The following HOMER2 variants were observed in gnomAD, a reference collection of about 807,000 sequenced individuals.
HOMER2 encodes the protein homer protein homolog 2.
A neutral mutation model predicts 47.0 loss-of-function variants in HOMER2; 27 were observed. That is an observed-to-expected ratio of 0.57 (90% CI 0.42 to 0.79). The LOEUF is 0.79. Ranked by LOEUF, HOMER2 falls within the 30% of genes least tolerant of loss-of-function variation. HOMER2 has a pLI of 0.00. For missense variants in HOMER2, 443 were observed against 435.0 expected, an observed-to-expected ratio of 1.02 and a Z score of -0.16; for synonymous variants, 161 against 163.8, an observed-to-expected ratio of 0.98 and a Z score of 0.13.
At chr15:82,983,487 C>A (rs1237990065) in intron 1 of HOMER2, among the ~76,000 whole-genome samples, 1 of 152,110 alleles carries the variant, frequency 6.6e-6, no homozygotes, top group African/African-American at 2.4e-5. Context: ...TATTTGGGCT[C>A]TGAGTTCATT....
chr15:82,945,220 T>TAA (rs35180005), intron 1 of HOMER2, among the ~76,000 whole-genome samples: 47 of 120,410 alleles, frequency 3.9e-4, no homozygotes, highest in African/African-American at 1.0e-3. Context: ...TAAAATGTCT[T>TAA]AAAAAAAAAA....
At chr15:82,846,669 C>T (rs1188555023), downstream of HOMER2, 1 of 152,162 alleles carries the variant, frequency 6.6e-6, no homozygotes. Context: ...ACAGTCTCTG[C>T]CCTGTTCTCT....
chr15:82,859,174 C>G lies in HOMER2; in HGVS notation c.388-39G>C, dbSNP rs1234176046. The G allele has an allele frequency of 6.2e-6, 10 of 1,613,494 alleles. No individual in the cohort carries two copies. The Admixed American group carries it at 1.7e-4, about 27-fold the overall frequency. ...GGGGTTTCACGCCCAGATTCCTGGC[C>G]AAAGTGAATTATCTTCACACGTTAT... On this transcript the variant is annotated intron_variant, in intron 4 of 8. Transcript: ENST00000450735.
At chr15:82,856,202 T>C (rs1489003238) in intron 5 of HOMER2, among the ~76,000 whole-genome samples, 3 of 152,214 alleles carry the variant, frequency 2.0e-5, no homozygotes, top group Non-Finnish European at 2.9e-5. Context: ...TTTAGGGAAA[T>C]AGCTTCCTGC....
chr15:82,866,230 AAGG>A (rs1274259667), intron 3 of HOMER2, among the ~76,000 whole-genome samples: 16 of 152,340 alleles, frequency 1.1e-4, no homozygotes, highest in African/African-American at 3.6e-4. Flanking sequence ...CATGGATTAA[AAGG>A]AGATCATTTT....
chr15:82,858,872 G>T (rs1399557815), intron 5 of HOMER2, among the ~76,000 whole-genome samples, 157 bp downstream of exon 5: 1 of 152,144 alleles, frequency 6.6e-6, no homozygotes, highest in African/African-American at 2.4e-5. Flanking sequence ...GGGCCATGAA[G>T]CCAGCTGGCC....
In HOMER2 at chr15:82,976,671, G is replaced by A. The variant is rs940185259; in HGVS notation, n.82+9116C>T. Among the ~76,000 whole-genome samples the A allele has an allele frequency of 3.3e-5, 4 of 120,888 alleles. No individual in the cohort carries two copies. The South Asian group carries it at 1.1e-3, about 33-fold the overall frequency. The allele number at this position is 120,888 out of a possible 152,430, so 79.3% of individuals were successfully genotyped here. ...TTAGTACGATTAGATCTTAAGATTTGTGTGTGGTTTTTTTTTTTTTTTTTT... is the reference window on the plus strand; with the variant it reads ...TTAGTACGATTAGATCTTAAGATTTATGTGTGGTTTTTTTTTTTTTTTTTT... On this transcript the variant is annotated intron_variant and non_coding_transcript_variant, in intron 1 of 1. Coordinates refer to the HOMER2 transcript ENST00000500334.
Position 82,849,687 on chromosome 15 carries a change from A to G in HOMER2, c.*28T>C. Reference sequence around the variant, plus strand: ...GGTCTCGCACACACGCTTGGGACTCACGGGCGGGGCCTGGGCCTCGGCCAG... The same window carrying G: ...GGTCTCGCACACACGCTTGGGACTCGCGGGCGGGGCCTGGGCCTCGGCCAG... On this transcript the variant is annotated 3_prime_UTR_variant, in exon 9 of 9. Transcript: ENST00000450735. 6.2e-7 allele frequency: 1 copy of G among 1,600,056 alleles called. No homozygotes were observed. Among genetic ancestry groups the G allele is most frequent in the Middle Eastern group, 1.8e-4 (1 of 5,578 alleles).
downstream of HOMER2, chr15:82,835,133 GTTTTTTTT>G (rs35205699): frequency 2.7e-5 from 4 of 147,754 alleles, no homozygotes; most frequent in Non-Finnish European, 6.0e-5. Flanking sequence ...CAGTTTTTTT[GTTTTTTTT>G]TTTGAGACAG....
intron 1 of HOMER2, chr15:82,952,093 T>G: frequency 1.0e-6 from 1 of 962,692 alleles, no homozygotes; most frequent in Non-Finnish European, 1.2e-6. Context: ...GGTTTATTAT[T>G]ATTTGATTAT....
At chr15:82,854,850 G>A in intron 5 of HOMER2, 50 bp from the exon 6 acceptor site, 2 of 1,571,918 alleles carry the variant, frequency 1.3e-6, no homozygotes, top group East Asian at 4.5e-5. Flanking sequence ...TGTCCCGTCT[G>A]GCTCCGCCCG....
Position 82,859,314 on chromosome 15 carries a change from TAAA to T in HOMER2, c.388-182_388-180del, listed in dbSNP as rs570181920. 4.7e-4 allele frequency: 387 copies of T among 820,930 alleles called. 2 individuals are homozygous for T. Among genetic ancestry groups the T allele is most frequent in the African/African-American group, 3.3e-3 (194 of 58,080 alleles). 50.9% of individuals were successfully genotyped at this position (820,930 alleles called of 1,614,324 possible). Reference sequence around the variant, plus strand: ...GACTAACAAGTTTTTGTTTTTTTTTTAAACAAACAAACAAACAAAAAAGAAAAC... The same window carrying T: ...GACTAACAAGTTTTTGTTTTTTTTTTCAAACAAACAAACAAAAAAGAAAAC... On this transcript the variant is annotated intron_variant, in intron 4 of 8. Coordinates refer to ENST00000450735, the MANE Select transcript of HOMER2 (RefSeq NM_004839.4).
chr15:82,881,282 T>C (rs1020771958), intron 2 of HOMER2, among the ~76,000 whole-genome samples: 4 of 152,220 alleles, frequency 2.6e-5, no homozygotes, highest in African/African-American at 9.6e-5. Flanking sequence ...AAGTTTCTCC[T>C]GTCTCCAGTC....
chr15:82,934,141 A>G (rs2054085047), intron 1 of HOMER2, among the ~76,000 whole-genome samples: 1 of 152,132 alleles, frequency 6.6e-6, no homozygotes, highest in South Asian at 2.1e-4. Context: ...CCACATATGC[A>G]GAACAGAAAG....
At chr15:82,952,978 G>C (rs1244747288), upstream of HOMER2, among the ~76,000 whole-genome samples, 3 of 152,322 alleles carry the variant, frequency 2.0e-5, no homozygotes, top group East Asian at 5.8e-4. Flanking sequence ...CCCTGGCGCA[G>C]TGCCATCAAC....
intron 2 of HOMER2, among the ~76,000 whole-genome samples, chr15:82,891,244 C>T (rs1208884069): frequency 9.8e-5 from 15 of 152,304 alleles, no homozygotes; most frequent in South Asian, 8.3e-4. Context: ...GCACCCGCCC[C>T]GGCCTACAAA....
intron 2 of HOMER2, among the ~76,000 whole-genome samples, chr15:82,889,898 A>C (rs1380707238): frequency 6.6e-6 from 1 of 152,178 alleles, no homozygotes; most frequent in African/African-American, 2.4e-5. Context: ...ACGTGCTCCC[A>C]TCCCCAATCC....
chr15:82,952,693 T>TGCAACTGCC lies in HOMER2; in HGVS notation c.-159_-158insGGCAGTTGC. The TGCAACTGCC allele has an allele frequency of 2.0e-6, 2 of 986,928 alleles. No individual in the cohort carries two copies. Among genetic ancestry groups the TGCAACTGCC allele is most frequent in the Non-Finnish European group, 2.4e-6 (2 of 832,154 alleles). The allele number at this position is 986,928 out of a possible 1,614,324, so 61.1% of individuals were successfully genotyped here. ...CGCGGGGCTGCGCGGCTGCCACTGC[T>TGCAACTGCC]GCCACTGCCGCCACCGCCGCCAGGC... On this transcript the variant is annotated 5_prime_UTR_variant, in exon 1 of 9. Transcript: ENST00000450735.
intron 1 of HOMER2, among the ~76,000 whole-genome samples, chr15:82,908,836 T>C (rs184753112): frequency 1.7e-4 from 26 of 151,854 alleles, no homozygotes; most frequent in Admixed American, 1.6e-3. Context: ...TGAGAGGAGA[T>C]TTTAGTCATG....
Sources: allele counts gnomAD v4.1 joint callset (sites outside exome capture counted in the v4.1 genomes callset), GRCh38; gene constraint gnomAD v4.1.1; transcripts MANE v1.5; gene names NCBI Gene and HGNC (gene_info 2026-07-23, HGNC 2026-07-21).